Variants in ZNF430 observed in about 807,000 individuals in gnomAD.
ZNF430 encodes zinc finger protein 430.
ZNF430 carries 35 observed loss-of-function variants against 56.7 expected under a neutral mutation model. That is an observed-to-expected ratio of 0.62 (90% CI 0.47 to 0.82). The LOEUF (loss-of-function observed/expected upper bound fraction) is 0.82, where lower values mean the gene tolerates loss of function less well. Ranked by LOEUF, ZNF430 falls within the 40% of genes least tolerant of loss-of-function variation. The pLI, the probability that ZNF430 is intolerant of heterozygous loss-of-function variation, is 0.00. For missense variants in ZNF430, 574 were observed against 661.0 expected, an observed-to-expected ratio of 0.87 and a Z score of 1.44; for synonymous variants, 212 against 224.3, an observed-to-expected ratio of 0.94 and a Z score of 0.49.
intron 4 of ZNF430, chr19:21,034,397 A>G (rs1967957277): frequency 7.0e-6 from 3 of 428,354 alleles, no homozygotes; most frequent in Non-Finnish European, 8.3e-6. Flanking sequence ...TCTCCCTTCA[A>G]GTTTGCTATC....
intron 2 of ZNF430, among the ~76,000 whole-genome samples, chr19:21,028,913 T>A (rs1967851835): frequency 6.6e-6 from 1 of 152,056 alleles, no homozygotes; most frequent in East Asian, 1.9e-4. Context: ...CTTGAACTCC[T>A]GACCTTGTGA....
In ZNF430 at chr19:21,057,929, T is replaced by C. The variant is rs1363219558; in HGVS notation, c.1621T>C (p.Tyr541His). ...GGTAATTCATACTGGAGAGAAACCC[T>C]ACAACTGTGAAGAATACGGCAAAGC... The part of the protein sequence containing the change: ...HKVIHTGEKP[Y>H]NCEEYGKAFN... The change falls in exon 5 of 5, where the codon TAC becomes CAC. Residue 541 changes from tyrosine (Y) to histidine (H), a missense_variant. Transcript: ENST00000261560. 2.2e-5 allele frequency: 35 copies of C among 1,613,250 alleles called. No individual in the cohort carries two copies. In the East Asian group the frequency reaches 7.8e-4, roughly 36 times the overall value.
intron 4 of ZNF430, chr19:21,053,368 A>G (rs1187865934): frequency 1.3e-5 from 2 of 151,892 alleles, no homozygotes; most frequent in African/African-American, 4.8e-5. Flanking sequence ...CATATAGGTT[A>G]TTTTCTACAT....
In ZNF430 at chr19:21,056,790, G is replaced by A; in HGVS notation, c.482G>A (p.Cys161Tyr). The change falls in exon 5 of 5, where the codon TGT (cysteine) becomes TAT (tyrosine). Residue 161 changes from cysteine to tyrosine, a missense_variant. Transcript: ENST00000261560. ...GATGAGTGTAATCTGCACAAAGAAT[G>A]TTATGATGAACTAAACCAGTGTTTG... ...SVDECNLHKE[C>Y]YDELNQCLTT... 2 of 1,613,946 alleles carry A rather than the reference G, an allele frequency of 1.2e-6. No homozygotes were observed. The highest frequency in any genetic ancestry group is 1.7e-6 in the Non-Finnish European group (2 of 1,179,944).
intron 4 of ZNF430, among the ~76,000 whole-genome samples, chr19:21,053,983 A>T (rs1158906070): frequency 6.6e-6 from 1 of 152,116 alleles, no homozygotes; most frequent in African/African-American, 2.4e-5. Context: ...AGATACAACG[A>T]TATATTTCAG....
At position 21,058,689 on chromosome 19, in the gene ZNF430, T is replaced by C. The variant is rs1968422725; in HGVS notation, c.*668T>C. The stretch of plus-strand genomic sequence containing the variant: ...GTGTGGCAAAACTTTTAATGAATGC[T>C]CACACCTTATTGCACAGGAGAGCAT... On this transcript the variant is annotated 3_prime_UTR_variant, in exon 5 of 5. Coordinates refer to ENST00000261560, the MANE Select transcript of ZNF430 (RefSeq NM_025189.4). 1 of 153,042 alleles carries C rather than the reference T, an allele frequency of 6.5e-6. No individual in the cohort carries two copies. 9.5% of individuals were successfully genotyped at this position (153,042 alleles called of 1,614,324 possible). A position where few individuals can be genotyped will look rare whatever the true frequency, so the allele number is the denominator to read the frequency against.
chr19:21,056,872 A>G lies in ZNF430; in HGVS notation c.564A>G (p.Lys188=). Residue 188 remains lysine, a synonymous_variant, in exon 5 of 5, where the codon AAA becomes AAG. Transcript: ENST00000261560. ...QYDKYVNVFY[K]FSNPNIQKIR... is the part of the protein sequence containing the mutation. ...ATAAATATGTGAATGTCTTTTATAA[A>G]TTTTCAAATCCAAATATACAAAAGA... 1.9e-6 allele frequency: 3 copies of G among 1,609,464 alleles called. No individual in the cohort carries two copies. Among genetic ancestry groups the G allele is most frequent in the Non-Finnish European group, 2.5e-6 (3 of 1,178,084 alleles).
chr19:21,037,111 C>CTTTTTTTTTTTTTTTT (rs990607702), intron 4 of ZNF430, among the ~76,000 whole-genome samples: 1 of 130,794 alleles, frequency 7.6e-6, no homozygotes. Flanking sequence ...ACAAGATTTT[C>CTTTTTTTTTTTTTTTT]TTTTTTTTTT....
intron 1 of ZNF430, among the ~76,000 whole-genome samples, chr19:21,021,440 A>G (rs907925165): frequency 6.6e-6 from 1 of 152,038 alleles, no homozygotes; most frequent in African/African-American, 2.4e-5. Flanking sequence ...TGGAGATTGC[A>G]GTGAGCCGAG....
In ZNF430 at chr19:21,056,941, CAA is replaced by C. The variant is rs1438666272; in HGVS notation, c.635_636del (p.Lys212IlefsTer12). On this transcript the variant is annotated frameshift_variant, in exon 5 of 5. Transcript: ENST00000261560. LOFTEE classifies it high-confidence loss of function. ...AGCCTTTCAAATGTAAAAAATGTGACAAATCGTTTTGCATGCTTTTACACCTA... is the reference window on the plus strand; with the variant it reads ...AGCCTTTCAAATGTAAAAAATGTGACATCGTTTTGCATGCTTTTACACCTA... The part of the protein sequence containing the change: ...KKPFKCKKCD[K>X]SFCMLLHLTQ... 5.6e-6 allele frequency: 9 copies of C among 1,613,408 alleles called. No individual in the cohort carries two copies. The highest frequency in any genetic ancestry group is 6.8e-6 in the Non-Finnish European group (8 of 1,179,728).
chr19:21,033,405 C>G (rs1257051368), intron 2 of ZNF430, 51 bp from the exon 3 acceptor site: 3 of 1,567,486 alleles, frequency 1.9e-6, no homozygotes, highest in African/African-American at 2.8e-5. Context: ...TAAATTCTGC[C>G]CGTGGCCACT....
At position 21,026,827 on chromosome 19, in the gene ZNF430, C is replaced by CTTTTTTTTTTTTTTT. The variant is rs747809260; in HGVS notation, c.96+3955_96+3969dup. Among the ~76,000 whole-genome samples the CTTTTTTTTTTTTTTT allele has an allele frequency of 1.6e-3, 111 of 68,726 alleles. 3 individuals carry two copies. Among genetic ancestry groups the CTTTTTTTTTTTTTTT allele is most frequent in the Admixed American group, 2.4e-3 (9 of 3,808 alleles). The allele number at this position is 68,726 out of a possible 152,430, so 45.1% of individuals were successfully genotyped here. A position where few individuals can be genotyped will look rare whatever the true frequency, so the allele number is the denominator to read the frequency against. On this transcript the variant is annotated intron_variant, in intron 2 of 4. Coordinates refer to ENST00000261560, the MANE Select transcript of ZNF430 (RefSeq NM_025189.4). ...TTGGATGCCTTTTTTCTTTTCTTTT[C>CTTTTTTTTTTTTTTT]TTTTTTTTTTTTTTTTTTTTTTTGA...
In ZNF430 at chr19:21,021,823, A is replaced by ATTTTTTTTTTTTT. The variant is rs71174785; in HGVS notation, c.4-948_4-936dup. ...TTTCAAAACGATGCGCCTGAGTTAG[A>ATTTTTTTTTTTTT]TTTTTTTTTTTTTTTTTTTTTTTTT... On this transcript the variant is annotated intron_variant, in intron 1 of 4. Coordinates refer to ENST00000261560, the MANE Select transcript of ZNF430 (RefSeq NM_025189.4). 3.9e-4 allele frequency among the ~76,000 whole-genome samples: 33 copies of ATTTTTTTTTTTTT among 85,706 alleles called. 5 individuals carry two copies. Among genetic ancestry groups the ATTTTTTTTTTTTT allele is most frequent in the African/African-American group, 1.8e-3 (33 of 18,812 alleles). The allele number at this position is 85,706 out of a possible 152,430, so 56.2% of individuals were successfully genotyped here.
chr19:21,058,098 G>C lies in ZNF430; in HGVS notation c.*77G>C. 1 of 1,322,550 alleles carries C rather than the reference G, an allele frequency of 7.6e-7. No individual in the cohort carries two copies. Among genetic ancestry groups the C allele is most frequent in the South Asian group, 1.4e-5 (1 of 70,852 alleles). The allele number at this position is 1,322,550 out of a possible 1,614,324, so 81.9% of individuals were successfully genotyped here. On this transcript the variant is annotated 3_prime_UTR_variant, in exon 5 of 5. Transcript: ENST00000261560. ...CATTCATACTGAAGAGGAACCCTATGAGTGTGAAGAATATGGCAAAGCCTT... is the reference window on the plus strand; with the variant it reads ...CATTCATACTGAAGAGGAACCCTATCAGTGTGAAGAATATGGCAAAGCCTT...
chr19:21,056,326 T>C (rs1012151622), intron 4 of ZNF430, among the ~76,000 whole-genome samples: 4 of 151,936 alleles, frequency 2.6e-5, no homozygotes, highest in African/African-American at 9.7e-5. Context: ...CCATCTCTAC[T>C]AAAAATACAA....
At chr19:21,024,379 C>G (rs1967752957) in intron 2 of ZNF430, among the ~76,000 whole-genome samples, 1 of 152,092 alleles carries the variant, frequency 6.6e-6, no homozygotes, top group African/African-American at 2.4e-5. Context: ...AATTTGAATT[C>G]CAAAGGACTA....
At chr19:21,035,641 A>G (rs1967985500) in intron 4 of ZNF430, 1 of 212,686 alleles carries the variant, frequency 4.7e-6, no homozygotes, top group African/African-American at 2.3e-5. Context: ...TCAAGCTTCT[A>G]TAAACTGGTT....
At chr19:21,048,228 G>T (rs1242446596) in intron 4 of ZNF430, among the ~76,000 whole-genome samples, 6 of 131,352 alleles carry the variant, frequency 4.6e-5, no homozygotes, top group Non-Finnish European at 7.8e-5. Flanking sequence ...GGTGTTTCTC[G>T]CAGAGGGGGA....
chr19:21,031,621 C>T (rs906717231), intron 2 of ZNF430, among the ~76,000 whole-genome samples: 2 of 151,946 alleles, frequency 1.3e-5, no homozygotes, highest in Non-Finnish European at 2.9e-5. Flanking sequence ...TGTTTGTGTG[C>T]GTGATGGTAG....
Sources: allele counts gnomAD v4.1 joint callset (sites outside exome capture counted in the v4.1 genomes callset), GRCh38; gene constraint gnomAD v4.1.1; transcripts MANE v1.5; gene names NCBI Gene and HGNC (gene_info 2026-07-23, HGNC 2026-07-21).